The following DENND11 variants were observed in gnomAD, a reference collection of about 807,000 sequenced individuals.
DENND11 encodes DENN domain-containing protein 11.
A neutral mutation model predicts 49.2 loss-of-function variants in DENND11; 34 were observed. The ratio of observed to expected loss-of-function variants is 0.69; its 90% confidence interval spans 0.53 to 0.92. The LOEUF (loss-of-function observed/expected upper bound fraction) is 0.92, where lower values mean the gene tolerates loss of function less well. DENND11 is among the 40% of genes least tolerant of loss of function. The pLI is 0.00. For missense variants in DENND11, 475 were observed against 581.6 expected (o/e 0.82, Z 1.88); for synonymous variants, 238 against 230.3 (o/e 1.03, Z -0.30).
intron 3 of DENND11, 130 bp from the exon 4 acceptor site, chr7:141,674,350 T>C (rs560918551): frequency 7.3e-7 from 1 of 1,375,128 alleles, no homozygotes; most frequent in African/African-American, 1.5e-5. Context: ...GGCCCTGACA[T>C]ACTCCAAAGA....
At chr7:141,670,988 C>T (rs1333307829) in intron 4 of DENND11, among the ~76,000 whole-genome samples, 2 of 152,196 alleles carry the variant, frequency 1.3e-5, no homozygotes, top group African/African-American at 2.4e-5. Flanking sequence ...GTTTTCTGCA[C>T]GTTGCTATTC....
rs762597654 is a variant in DENND11, at chr7:141,674,226, GAA to G, written c.528-8_528-7del. 2.6e-6 allele frequency: 4 copies of G among 1,523,124 alleles called. No individual in the cohort carries two copies. Among genetic ancestry groups the G allele is most frequent in the Non-Finnish European group, 3.5e-6 (4 of 1,138,080 alleles). The allele number at this position is 1,523,124 out of a possible 1,614,324, so 94.4% of individuals were successfully genotyped here. ...CTGGCATCTCCAACTGGTGCCTGCA[GAA>G]AAACACACACACACACACACACACA... On this transcript the variant is annotated splice_polypyrimidine_tract_variant and splice_region_variant and intron_variant, in intron 3 of 8. Coordinates refer to ENST00000536163, the MANE Select transcript of DENND11 (RefSeq NM_001080392.2).
intron 4 of DENND11, among the ~76,000 whole-genome samples, chr7:141,670,757 C>T (rs1562997077): frequency 6.6e-6 from 1 of 152,222 alleles, no homozygotes; most frequent in Non-Finnish European, 1.5e-5. Flanking sequence ...GCTGGGTTGC[C>T]AGCATTAAAT....
chr7:141,669,784 C>A (rs1468062211), intron 4 of DENND11, among the ~76,000 whole-genome samples: 1 of 149,108 alleles, frequency 6.7e-6, no homozygotes, highest in African/African-American at 2.5e-5. Context: ...CCATCCATGA[C>A]AAGTATTATT....
chr7:141,701,847 C>T (rs2117089252), intron 1 of DENND11, 39 bp downstream of exon 1: 2 of 1,165,292 alleles, frequency 1.7e-6, no homozygotes, highest in Non-Finnish European at 2.1e-6. Flanking sequence ...GGGGGCACCC[C>T]GACCCTCCCC....
At chr7:141,666,985 C>T (rs757412183) in intron 4 of DENND11, among the ~76,000 whole-genome samples, 2 of 152,072 alleles carry the variant, frequency 1.3e-5, no homozygotes, top group African/African-American at 2.4e-5. Flanking sequence ...AGTGCTGTGG[C>T]GTGATCTTGG....
chr7:141,686,540 CCAGTT>C lies in DENND11; in HGVS notation c.368+14_368+18del. On this transcript the variant is annotated intron_variant, in intron 2 of 8. Transcript: ENST00000536163. Reference sequence around the variant, plus strand: ...TGGGGGGAATGGTACGAAGATGACTCCAGTTCAGAAGTACTTACATGAAATCAGAT... The same window carrying C: ...TGGGGGGAATGGTACGAAGATGACTCCAGAAGTACTTACATGAAATCAGAT... The C allele has an allele frequency of 6.6e-7, 1 of 1,514,360 alleles. No individual in the cohort carries two copies. The highest frequency in any genetic ancestry group is 9.2e-7 in the Non-Finnish European group (1 of 1,092,756). 93.8% of individuals were successfully genotyped at this position (1,514,360 alleles called of 1,614,324 possible). A position where few individuals can be genotyped will look rare whatever the true frequency, so the allele number is the denominator to read the frequency against.
intron 1 of DENND11, among the ~76,000 whole-genome samples, chr7:141,692,177 C>A (rs1798336864): frequency 6.6e-6 from 1 of 152,178 alleles, no homozygotes; most frequent in Admixed American, 6.5e-5. Context: ...AACAGATGTA[C>A]TTGAGAGCAA....
Position 141,685,023 on chromosome 7 carries a change from AAAAAAAATATATATAT to A in DENND11, c.527+439_527+454del, listed in dbSNP as rs1180691761. ...GAGCCTGTCTCTACCAAAAAAAAAA[AAAAAAAATATATATAT>A]ATATATATATATATATATATTTTTA... On this transcript the variant is annotated intron_variant, in intron 3 of 8. Coordinates refer to ENST00000536163, the MANE Select transcript of DENND11 (RefSeq NM_001080392.2). Among the ~76,000 whole-genome samples the A allele has an allele frequency of 8.7e-4, 89 of 102,546 alleles. 2 individuals are homozygous for A. The highest frequency in any genetic ancestry group is 2.8e-3 in the African/African-American group (86 of 30,582). 67.3% of individuals were successfully genotyped at this position (102,546 alleles called of 152,430 possible). A position where few individuals can be genotyped will look rare whatever the true frequency, so the allele number is the denominator to read the frequency against.
intron 4 of DENND11, among the ~76,000 whole-genome samples, chr7:141,667,921 C>T (rs1283946385): frequency 3.9e-5 from 6 of 152,204 alleles, no homozygotes; most frequent in African/African-American, 1.2e-4. Context: ...CCTCTGCCAC[C>T]GCAACCCAAA....
At chr7:141,688,965 T>C (rs1798285428) in intron 1 of DENND11, among the ~76,000 whole-genome samples, 1 of 152,188 alleles carries the variant, frequency 6.6e-6, no homozygotes, top group South Asian at 2.1e-4. Context: ...GTCCTCCTCA[T>C]ACTCAACCAA....
At chr7:141,679,704 CT>C (rs1798118959) in intron 3 of DENND11, among the ~76,000 whole-genome samples, 2 of 123,438 alleles carry the variant, frequency 1.6e-5, no homozygotes, top group Non-Finnish European at 1.7e-5. Context: ...AAGAGCGAAA[CT>C]TTAAAAAAAA....
intron 3 of DENND11, among the ~76,000 whole-genome samples, chr7:141,684,574 T>A (rs1798201050): frequency 6.6e-6 from 1 of 152,216 alleles, no homozygotes; most frequent in Non-Finnish European, 1.5e-5. Context: ...TATAAATTTT[T>A]AAATAATAAA....
intron 3 of DENND11, among the ~76,000 whole-genome samples, chr7:141,681,065 T>C (rs996054470): frequency 1.3e-5 from 2 of 152,112 alleles, no homozygotes; most frequent in African/African-American, 4.8e-5. Flanking sequence ...AAAATAGATA[T>C]TGCAGACTAG....
intron 1 of DENND11, among the ~76,000 whole-genome samples, chr7:141,698,231 C>A (rs968798234): frequency 6.6e-6 from 1 of 152,222 alleles, no homozygotes; most frequent in Admixed American, 6.5e-5. Flanking sequence ...CATCTGGGGG[C>A]AGGGGTGCTC....
intron 1 of DENND11, among the ~76,000 whole-genome samples, chr7:141,697,731 C>A (rs1256934151): frequency 6.6e-6 from 1 of 151,974 alleles, no homozygotes; most frequent in East Asian, 1.9e-4. Context: ...CACTGGGCCT[C>A]CATCATCTCC....
chr7:141,681,648 T>C (rs1225776366), intron 3 of DENND11, among the ~76,000 whole-genome samples: 1 of 152,204 alleles, frequency 6.6e-6, no homozygotes, highest in Non-Finnish European at 1.5e-5. Flanking sequence ...TACCTGGAAC[T>C]GACTGGAAGC....
intron 3 of DENND11, among the ~76,000 whole-genome samples, chr7:141,677,405 AT>A (rs1175593331): frequency 9.6e-4 from 47 of 49,112 alleles, no homozygotes; most frequent in African/African-American, 2.0e-3. Context: ...AAAAAAAAAT[AT>A]ATATATATAT....
intron 3 of DENND11, among the ~76,000 whole-genome samples, chr7:141,674,598 A>G (rs1030036949): frequency 3.9e-5 from 6 of 152,262 alleles, no homozygotes; most frequent in African/African-American, 1.2e-4. Flanking sequence ...GCCAGCTTGG[A>G]AGCCTAAAAT....
Sources: allele counts gnomAD v4.1 joint callset (sites outside exome capture counted in the v4.1 genomes callset), GRCh38; gene constraint gnomAD v4.1.1; transcripts MANE v1.5; gene names NCBI Gene and HGNC (gene_info 2026-07-23, HGNC 2026-07-21).